CNRIP1: variants seen among roughly 807,000 people sequenced by gnomAD.
The protein encoded by CNRIP1 is CB1 cannabinoid receptor-interacting protein 1.
Under a neutral mutation model 15.2 loss-of-function variants are expected in CNRIP1, and 10 were observed. The ratio of observed to expected loss-of-function variants is 0.66; its 90% CI spans 0.41 to 1.12. The LOEUF is 1.12. Among genes scored for constraint, CNRIP1 ranks in the 50% most tolerant of loss-of-function variants. The pLI, the probability that CNRIP1 is intolerant of heterozygous loss-of-function variation, is 0.00. For synonymous variants in CNRIP1, 91 were observed against 83.2 expected (o/e 1.09, Z -0.51); for missense variants, 211 against 214.7 (o/e 0.98, Z 0.11).
At chr2:68,319,071 G>A (rs2103701260) in intron 1 of CNRIP1, 151 bp downstream of exon 1, 1 of 680,954 alleles carries the variant, frequency 1.5e-6, no homozygotes, top group South Asian at 2.3e-5. Context: ...GACGAAGGCG[G>A]ACAGGGAGTG....
downstream of CNRIP1, among the ~76,000 whole-genome samples, chr2:68,288,757 A>G (rs1019361289): frequency 6.6e-6 from 1 of 152,242 alleles, no homozygotes; most frequent in African/African-American, 2.4e-5. Context: ...AAAACAAGTT[A>G]CCTACTAGGC....
intron 2 of CNRIP1, among the ~76,000 whole-genome samples, chr2:68,300,675 G>T (rs932636625): frequency 6.6e-6 from 1 of 151,906 alleles, no homozygotes; most frequent in East Asian, 1.9e-4. Context: ...AATTAGAAAA[G>T]AAAGACTATA....
intron 2 of CNRIP1, among the ~76,000 whole-genome samples, chr2:68,306,693 A>G (rs1053925986): frequency 6.6e-6 from 1 of 152,070 alleles, no homozygotes; most frequent in Admixed American, 6.6e-5. Context: ...AGGCAGGAGA[A>G]TCGCTTGAAC....
rs11292248 is a variant in CNRIP1 at position 68,304,626 on chromosome 2, C to CTTTT, written c.331-10604_331-10601dup. On this transcript the variant is annotated intron_variant, in intron 2 of 2. Coordinates refer to ENST00000263655, the MANE Select transcript of CNRIP1 (RefSeq NM_015463.3). ...GTTTGAGCACTGGTCATCTGGTTGT[C>CTTTT]TTTTTTTTTTTTTTGAGACAGAGTC... Among the ~76,000 whole-genome samples, 1,014 of 136,990 alleles carry CTTTT rather than the reference C, an allele frequency of 7.4e-3. 24 individuals are homozygous for CTTTT. Among genetic ancestry groups the CTTTT allele is most frequent in the African/African-American group, 0.027 (979 of 36,322 alleles). The allele number at this position is 136,990 out of a possible 152,430, so 89.9% of individuals were successfully genotyped here.
At chr2:68,315,596 A>C (rs11684571) in intron 2 of CNRIP1, among the ~76,000 whole-genome samples, 107,294 of 149,792 alleles carry the variant, frequency 0.72, 38,105 homozygotes, top group East Asian at 0.79. Context: ...TTAAAATGAC[A>C]TTCCATATAT....
chr2:68,287,193 G>T (rs1001937185), intron 2 of CNRIP1, among the ~76,000 whole-genome samples: 2 of 152,164 alleles, frequency 1.3e-5, no homozygotes, highest in African/African-American at 4.8e-5. Context: ...TCTTTTTGGA[G>T]AAGTTTTACT....
At chr2:68,306,520 C>T (rs540935601) in intron 2 of CNRIP1, among the ~76,000 whole-genome samples, 1 of 152,236 alleles carries the variant, frequency 6.6e-6, no homozygotes, top group African/African-American at 2.4e-5. Flanking sequence ...GTGGCTCACG[C>T]CAGTAATCCC....
chr2:68,318,313 C>A (rs1437891156), intron 1 of CNRIP1, among the ~76,000 whole-genome samples: 1 of 152,226 alleles, frequency 6.6e-6, no homozygotes, highest in African/African-American at 2.4e-5. Context: ...CAATAATGCC[C>A]ACCATATGTA....
At chr2:68,297,567 C>CAAAAAAAAAAAAAAA (rs112601365) in intron 2 of CNRIP1, among the ~76,000 whole-genome samples, 4 of 98,868 alleles carry the variant, frequency 4.0e-5, no homozygotes, top group Non-Finnish European at 6.4e-5. Context: ...GACACTGTCT[C>CAAAAAAAAAAAAAAA]AAAAAAAAAA....
At chr2:68,290,923 T>C (rs190806860), downstream of CNRIP1, among the ~76,000 whole-genome samples, 1 of 152,336 alleles carries the variant, frequency 6.6e-6, no homozygotes, top group Admixed American at 6.5e-5. Context: ...AAGGATGGCC[T>C]AGTTCCTCAA....
chr2:68,295,519 T>G (rs1259956072), intron 2 of CNRIP1, among the ~76,000 whole-genome samples: 1 of 152,202 alleles, frequency 6.6e-6, no homozygotes, highest in African/African-American at 2.4e-5. Flanking sequence ...TATTCACATG[T>G]TGATAAGCAA....
At position 68,319,132 on chromosome 2, in the gene CNRIP1, C is replaced by T. The variant is rs1172580813; in HGVS notation, c.179+90G>A. 4 of 1,342,756 alleles carry T rather than the reference C, an allele frequency of 3.0e-6. No homozygotes were observed. In the African/African-American group the frequency reaches 6.0e-5, roughly 20 times the overall value. 83.2% of individuals were successfully genotyped at this position (1,342,756 alleles called of 1,614,324 possible). On this transcript the variant is annotated intron_variant, in intron 1 of 2. Transcript: ENST00000263655. ...GCTGGGAGCGGCGCGAGGCCAGAGG[C>T]CCTTGAGAGGCTCGGGCTGTCCTGG...
chr2:68,307,981 G>C (rs532927282), intron 2 of CNRIP1, among the ~76,000 whole-genome samples: 2 of 152,160 alleles, frequency 1.3e-5, no homozygotes, highest in East Asian at 3.9e-4. Flanking sequence ...TTGCTTGAGC[G>C]CAGGAGTTTG....
intron 2 of CNRIP1, among the ~76,000 whole-genome samples, chr2:68,303,803 G>A (rs1047824749): frequency 5.8e-4 from 89 of 152,138 alleles, no homozygotes; most frequent in Admixed American, 2.9e-3. Context: ...GAGTCCAGGC[G>A]CGGTTGCTCA....
intron 2 of CNRIP1, among the ~76,000 whole-genome samples, chr2:68,311,357 T>A (rs1206397003): frequency 6.7e-6 from 1 of 150,368 alleles, no homozygotes; most frequent in Non-Finnish European, 1.5e-5. Context: ...TAGAAAACAA[T>A]GAAGTAGAAA....
chr2:68,297,798 T>C (rs183144328), intron 2 of CNRIP1, among the ~76,000 whole-genome samples: 2 of 152,176 alleles, frequency 1.3e-5, no homozygotes, highest in Admixed American at 1.3e-4. Context: ...ATTAGGAATT[T>C]AGGGTTGTCG....
Position 68,319,307 on chromosome 2 carries a change from A to C in CNRIP1, c.94T>G (p.Phe32Val). ...PVFYKVDGQR[F>V]GQNRTIKLLT... ...AGCTTGATGGTGCGGTTCTGGCCGA[A>C]GCGCTGCCCGTCCACCTTGTAAAAG... The change falls in exon 1 of 3, where the codon TTC becomes GTC. Residue 32 changes from phenylalanine to valine, a missense_variant. Physicochemically the swap from Phe to Val is conservative, Grantham distance 50 (BLOSUM62 -1). Transcript: ENST00000263655. The C allele has an allele frequency of 6.4e-7, 1 of 1,555,870 alleles. No individual in the cohort carries two copies. The highest frequency in any genetic ancestry group is 8.7e-7 in the Non-Finnish European group (1 of 1,149,534).
intron 2 of CNRIP1, among the ~76,000 whole-genome samples, chr2:68,297,567 C>CAAAAAAAAAAA (rs112601365): frequency 1.0e-4 from 10 of 98,902 alleles, no homozygotes; most frequent in African/African-American, 1.2e-4. Flanking sequence ...GACACTGTCT[C>CAAAAAAAAAAA]AAAAAAAAAA....
At chr2:68,319,050 G>A (rs1478123324) in intron 1 of CNRIP1, among the ~76,000 whole-genome samples, 172 bp downstream of exon 1, 1 of 152,262 alleles carries the variant, frequency 6.6e-6, no homozygotes, top group Non-Finnish European at 1.5e-5. Context: ...CAAGCCAAAG[G>A]GAAGGAAGGG....
Sources: allele counts gnomAD v4.1 joint callset (sites outside exome capture counted in the v4.1 genomes callset), GRCh38; gene constraint gnomAD v4.1.1; transcripts MANE v1.5; gene names NCBI Gene and HGNC (gene_info 2026-07-23, HGNC 2026-07-21).